The following PRLR variants were observed in gnomAD, a reference collection of about 807,000 sequenced individuals.
PRLR encodes hPRL receptor.
PRLR carries 13 observed loss-of-function variants against 40.2 expected under a neutral mutation model. The observed-to-expected ratio is 0.32, with a 90% CI of 0.21 to 0.51. The LOEUF is 0.51. Ranked by LOEUF, PRLR falls within the 20% of genes least tolerant of loss-of-function variation. PRLR has a pLI of 0.97. For synonymous variants in PRLR, 269 were observed against 278.7 expected (o/e 0.97, Z 0.35); for missense variants, 656 against 747.3 (o/e 0.88, Z 1.42).
At chr5:35,088,118 A>G (rs963617682) in intron 3 of PRLR, among the ~76,000 whole-genome samples, 5 of 152,138 alleles carry the variant, frequency 3.3e-5, no homozygotes, top group Non-Finnish European at 5.9e-5. Flanking sequence ...CAGAAAGAGG[A>G]ATTTAGTGGA....
At chr5:35,212,260 G>T (rs966851008) in intron 1 of PRLR, among the ~76,000 whole-genome samples, 1 of 152,222 alleles carries the variant, frequency 6.6e-6, no homozygotes, top group East Asian at 1.9e-4. Context: ...TGGAGATTCA[G>T]CAATCAAGTT....
At chr5:35,051,639 C>A (rs1768501404), downstream of PRLR, among the ~76,000 whole-genome samples, 1 of 152,046 alleles carries the variant, frequency 6.6e-6, no homozygotes, top group Non-Finnish European at 1.5e-5. Flanking sequence ...TTAATTATAT[C>A]CTGTTACTAT....
intron 2 of PRLR, among the ~76,000 whole-genome samples, chr5:35,106,799 C>A (rs1003456154): frequency 6.6e-6 from 1 of 152,148 alleles, no homozygotes; most frequent in African/African-American, 2.4e-5. Flanking sequence ...ACCCCATTGT[C>A]AACATTAGAC....
intron 2 of PRLR, among the ~76,000 whole-genome samples, chr5:35,102,486 G>GTCTCCTCTCCTCTCCTCTCCTCTCC (rs1429962157): frequency 1.1e-5 from 1 of 89,396 alleles, no homozygotes; most frequent in Non-Finnish European, 2.5e-5. Context: ...GTCCCGTCCC[G>GTCTCCTCTCCTCTCCTCTCCTCTCC]TCTCCTCTCC....
Position 35,065,030 on chromosome 5 carries a change from T to G in PRLR, c.*59A>C. On this transcript the variant is annotated 3_prime_UTR_variant, in exon 10 of 10. Transcript: ENST00000618457. The stretch of plus-strand genomic sequence containing the variant: ...CTACATTCTTGAGCATTTCACGTAC[T>G]CTGTAGTGTTACCTGAAGAAAAATC... 2.6e-6 allele frequency: 4 copies of G among 1,530,544 alleles called. No homozygotes were observed. Among genetic ancestry groups the G allele is most frequent in the Non-Finnish European group, 3.5e-6 (4 of 1,127,018 alleles). 94.8% of individuals were successfully genotyped at this position (1,530,544 alleles called of 1,614,324 possible).
At chr5:35,149,978 C>A (rs1445662534) in intron 1 of PRLR, among the ~76,000 whole-genome samples, 1 of 152,182 alleles carries the variant, frequency 6.6e-6, no homozygotes, top group East Asian at 1.9e-4. Context: ...CCTGCCTCAG[C>A]CTCCCAAGTA....
At chr5:35,178,441 T>C (rs1775205991) in intron 1 of PRLR, among the ~76,000 whole-genome samples, 2 of 152,214 alleles carry the variant, frequency 1.3e-5, no homozygotes, top group Non-Finnish European at 2.9e-5. Context: ...GAATACACAC[T>C]GGTAGAATTT....
At chr5:35,214,260 G>T (rs1040518498) in intron 1 of PRLR, among the ~76,000 whole-genome samples, 1 of 152,084 alleles carries the variant, frequency 6.6e-6, no homozygotes, top group Admixed American at 6.5e-5. Context: ...ATCAGATCTG[G>T]GTTCCAAAGG....
At chr5:35,214,869 C>G in intron 1 of PRLR, among the ~76,000 whole-genome samples, 1 of 152,142 alleles carries the variant, frequency 6.6e-6, no homozygotes, top group East Asian at 1.9e-4. Flanking sequence ...AGTATGCACA[C>G]AAATAACAAT....
At chr5:35,088,636 T>A (rs1350068210) in intron 3 of PRLR, among the ~76,000 whole-genome samples, 1 of 152,224 alleles carries the variant, frequency 6.6e-6, no homozygotes, top group Non-Finnish European at 1.5e-5. Flanking sequence ...GTTTCCTTCA[T>A]CTGCATTAGA....
rs146023663 is a variant in PRLR, at chr5:35,162,861, T to C, written c.-105-44739A>G. Among the ~76,000 whole-genome samples, 361 of 152,304 alleles carry C rather than the reference T, an allele frequency of 2.4e-3. 1 individual carries two copies. The highest frequency in any genetic ancestry group is 8.3e-3 in the African/African-American group (346 of 41,562). The stretch of plus-strand genomic sequence containing the variant: ...AATGATTCACTGTTTTAGAAATCAT[T>C]GCCTTGTGAGTGGAAGGGGAGTACG... On this transcript the variant is annotated intron_variant, in intron 1 of 9. Coordinates refer to ENST00000618457, the MANE Select transcript of PRLR (RefSeq NM_000949.7).
chr5:35,164,022 C>A (rs963265212), intron 1 of PRLR, among the ~76,000 whole-genome samples: 1 of 152,202 alleles, frequency 6.6e-6, no homozygotes, highest in Admixed American at 6.5e-5. Context: ...GGCTGAAAGC[C>A]TGCTTATTGA....
chr5:35,104,848 GT>G, intron 2 of PRLR, among the ~76,000 whole-genome samples: 1 of 152,326 alleles, frequency 6.6e-6, no homozygotes, highest in African/African-American at 2.4e-5. Context: ...AAATGTACCT[GT>G]CTGACAGCTT....
chr5:35,227,938 ATACTT>A (rs1250688127), intron 1 of PRLR, among the ~76,000 whole-genome samples: 16 of 152,166 alleles, frequency 1.1e-4, no homozygotes, highest in Non-Finnish European at 2.2e-4. Flanking sequence ...CGGTCTGGAC[ATACTT>A]TACTTGCCGG....
Position 35,208,821 on chromosome 5 carries a change from A to G in PRLR, c.-106+21447T>C, listed in dbSNP as rs909334708. ...TTGAGAGTCAAATAGAAATCTTAATAATTAACATAAAAAGGAAATCAATAA... is the reference window on the plus strand; with the variant it reads ...TTGAGAGTCAAATAGAAATCTTAATGATTAACATAAAAAGGAAATCAATAA... On this transcript the variant is annotated intron_variant, in intron 1 of 9. Transcript: ENST00000618457. Among the ~76,000 whole-genome samples the G allele has an allele frequency of 3.9e-5, 6 of 152,142 alleles. No homozygotes were observed. The East Asian group carries it at 1.2e-3, about 29-fold the overall frequency.
chr5:35,189,774 T>C (rs955893385), intron 1 of PRLR, among the ~76,000 whole-genome samples: 2 of 152,146 alleles, frequency 1.3e-5, no homozygotes, highest in Admixed American at 6.6e-5. Flanking sequence ...AGGTTCGTTA[T>C]CTACAAAATG....
intron 1 of PRLR, among the ~76,000 whole-genome samples, chr5:35,213,955 C>T (rs1023323442): frequency 2.0e-5 from 3 of 152,224 alleles, no homozygotes; most frequent in Admixed American, 1.3e-4. Context: ...TCTGCAGACT[C>T]TCTTCTCCAG....
chr5:35,061,205 A>G lies in PRLR; in HGVS notation c.*3884T>C, dbSNP rs1769020285. 6.6e-6 allele frequency: 1 copy of G among 152,162 alleles called. No homozygotes were observed. Among genetic ancestry groups the G allele is most frequent in the Admixed American group, 6.5e-5 (1 of 15,272 alleles). 9.4% of individuals were successfully genotyped at this position (152,162 alleles called of 1,614,324 possible). A position where few individuals can be genotyped will look rare whatever the true frequency, so the allele number is the denominator to read the frequency against. ...CTTGCAAAATGAAAACTTTAAAAAA[A>G]AATAGAGGAAGGCACTTTGTAAAAT... On this transcript the variant is annotated 3_prime_UTR_variant, in exon 10 of 10. Coordinates refer to ENST00000618457, the MANE Select transcript of PRLR (RefSeq NM_000949.7).
intron 1 of PRLR, among the ~76,000 whole-genome samples, chr5:35,220,228 A>G (rs1286517245): frequency 6.6e-6 from 1 of 152,114 alleles, no homozygotes; most frequent in Non-Finnish European, 1.5e-5. Context: ...ACTCCATCCC[A>G]TGACCTCGGG....
Sources: allele counts gnomAD v4.1 joint callset (sites outside exome capture counted in the v4.1 genomes callset), GRCh38; gene constraint gnomAD v4.1.1; transcripts MANE v1.5; gene names NCBI Gene and HGNC (gene_info 2026-07-23, HGNC 2026-07-21).